The following MAP2K4 variants were observed in gnomAD, a reference collection of about 807,000 sequenced individuals.
MAP2K4 encodes dual specificity mitogen-activated protein kinase kinase 4.
A neutral mutation model predicts 48.5 loss-of-function variants in MAP2K4; 4 were observed. The ratio of observed to expected loss-of-function variants is 0.08; its 90% CI spans 0.04 to 0.19. MAP2K4 has a LOEUF of 0.19. Among genes scored for constraint, MAP2K4 ranks in the 10% least tolerant of loss-of-function variants. The pLI is 1.00. For missense variants in MAP2K4, 258 were observed against 493.3 expected (o/e 0.52, Z 4.52); for synonymous variants, 166 against 173.1 (o/e 0.96, Z 0.32).
intron 2 of MAP2K4, among the ~76,000 whole-genome samples, chr17:12,060,887 T>G (rs1970430854): frequency 6.6e-6 from 1 of 152,160 alleles, no homozygotes. Context: ...GTTCACATTG[T>G]TGTACATTTG....
intron 4 of MAP2K4, among the ~76,000 whole-genome samples, chr17:12,101,719 G>A (rs1971944523): frequency 6.6e-6 from 1 of 152,010 alleles, no homozygotes; most frequent in African/African-American, 2.4e-5. Context: ...ATATTTTATA[G>A]TTTTCGCTGT....
intron 3 of MAP2K4, among the ~76,000 whole-genome samples, chr17:12,084,183 C>A (rs1971284600): frequency 6.6e-6 from 1 of 151,974 alleles, no homozygotes; most frequent in Admixed American, 6.6e-5. Flanking sequence ...TCTTAGTAAC[C>A]AGAGTTAATT....
intron 2 of MAP2K4, among the ~76,000 whole-genome samples, chr17:12,076,324 T>TGTGTGC (rs1971006045): frequency 6.7e-6 from 1 of 149,910 alleles, no homozygotes; most frequent in Non-Finnish European, 1.5e-5. Context: ...TGTGTGTGTG[T>TGTGTGC]GTTTAGTCTG....
rs1021533579 is a variant in MAP2K4 at position 12,124,959 on chromosome 17, G to A, written c.814-335G>A. The A allele has an allele frequency of 1.1e-4, 28 of 260,870 alleles. No individual in the cohort carries two copies. In the South Asian group the frequency reaches 1.1e-3, roughly 10 times the overall value. The allele number at this position is 260,870 out of a possible 1,614,324, so 16.2% of individuals were successfully genotyped here. A position where few individuals can be genotyped will look rare whatever the true frequency, so the allele number is the denominator to read the frequency against. On this transcript the variant is annotated intron_variant, in intron 7 of 10. Transcript: ENST00000353533. ...CAAAGTGCTGGGATTACGGGCGTGCGCCACTGCACCTGGCGACCTTGTAAT... is the reference window on the plus strand; with the variant it reads ...CAAAGTGCTGGGATTACGGGCGTGCACCACTGCACCTGGCGACCTTGTAAT...
At chr17:12,128,756 T>G (rs1203627004) in intron 8 of MAP2K4, among the ~76,000 whole-genome samples, 1 of 152,230 alleles carries the variant, frequency 6.6e-6, no homozygotes, top group Admixed American at 6.5e-5. Flanking sequence ...AAGGCCTTCC[T>G]CTAAGATGGC....
At chr17:12,109,899 A>G (rs1348441793) in intron 5 of MAP2K4, among the ~76,000 whole-genome samples, 2 of 151,982 alleles carry the variant, frequency 1.3e-5, no homozygotes, top group South Asian at 2.1e-4. Flanking sequence ...AGGCCGAGGC[A>G]GAAGGATCGC....
intron 1 of MAP2K4, among the ~76,000 whole-genome samples, chr17:12,022,185 G>A (rs1295642872): frequency 6.6e-6 from 1 of 152,090 alleles, no homozygotes; most frequent in Non-Finnish European, 1.5e-5. Flanking sequence ...CATGTTTATA[G>A]AGCATGCCAT....
chr17:12,051,153 A>G (rs1597413983), intron 1 of MAP2K4, among the ~76,000 whole-genome samples: 1 of 152,234 alleles, frequency 6.6e-6, no homozygotes, highest in East Asian at 1.9e-4. Flanking sequence ...TTTTCCCAGC[A>G]TGTTGAACAA....
At chr17:12,047,919 T>G (rs990111818) in intron 1 of MAP2K4, among the ~76,000 whole-genome samples, 1 of 152,232 alleles carries the variant, frequency 6.6e-6, no homozygotes, top group Non-Finnish European at 1.5e-5. Flanking sequence ...TATTCTTGTT[T>G]GTATCTTGAT....
At chr17:12,100,102 A>G (rs1360559618) in intron 4 of MAP2K4, among the ~76,000 whole-genome samples, 3 of 152,194 alleles carry the variant, frequency 2.0e-5, no homozygotes, top group Non-Finnish European at 2.9e-5. Context: ...TCCCACATGT[A>G]AAGTGTACAG....
intron 2 of MAP2K4, among the ~76,000 whole-genome samples, chr17:12,067,513 G>C (rs1198326176): frequency 1.3e-5 from 2 of 152,132 alleles, no homozygotes; most frequent in Admixed American, 1.3e-4. Context: ...TTCTTCTTAG[G>C]ACCACTGGTA....
chr17:12,059,518 C>T (rs1183925928), intron 2 of MAP2K4, among the ~76,000 whole-genome samples: 1 of 152,016 alleles, frequency 6.6e-6, no homozygotes, highest in Admixed American at 6.6e-5. Flanking sequence ...TAACATATCA[C>T]AATTGTCAAG....
At chr17:12,069,296 T>TATAG (rs1308335802) in intron 2 of MAP2K4, among the ~76,000 whole-genome samples, 1 of 152,172 alleles carries the variant, frequency 6.6e-6, no homozygotes, top group Non-Finnish European at 1.5e-5. Flanking sequence ...ACATGTAACC[T>TATAG]ATAGATTTAG....
At chr17:12,044,001 T>C (rs540193074) in intron 1 of MAP2K4, among the ~76,000 whole-genome samples, 14 of 152,050 alleles carry the variant, frequency 9.2e-5, no homozygotes, top group Non-Finnish European at 1.8e-4. Flanking sequence ...TGAAGTTATA[T>C]AGGGGCCCTC....
intron 1 of MAP2K4, among the ~76,000 whole-genome samples, chr17:12,044,907 A>G (rs922054981): frequency 6.6e-6 from 1 of 152,266 alleles, no homozygotes; most frequent in African/African-American, 2.4e-5. Flanking sequence ...AGGTGCTGCC[A>G]GTCATCAGTC....
Position 12,081,328 on chromosome 17 carries a change from G to A in MAP2K4, c.219-28G>A. On this transcript the variant is annotated intron_variant, in intron 2 of 10. Coordinates refer to ENST00000353533, the MANE Select transcript of MAP2K4 (RefSeq NM_003010.4). The surrounding 1 kb of genome is among the most constrained non-coding windows in gnomAD (Gnocchi z 4.2). ...AAAGTTAAAACCTATTTAAAATGTG[G>A]AAAAATTGCTTCCCAATATTTTAAC... 1 of 1,569,674 alleles carries A rather than the reference G, an allele frequency of 6.4e-7. No homozygotes were observed. Among genetic ancestry groups the A allele is most frequent in the Non-Finnish European group, 8.6e-7 (1 of 1,160,916 alleles).
chr17:12,070,141 A>G (rs1485399204), intron 2 of MAP2K4, among the ~76,000 whole-genome samples: 2 of 151,548 alleles, frequency 1.3e-5, no homozygotes, highest in African/African-American at 4.9e-5. Context: ...AGGAGAAAAC[A>G]TACTTCAAAC....
intron 7 of MAP2K4, among the ~76,000 whole-genome samples, chr17:12,113,724 A>G (rs547839195): frequency 6.6e-6 from 1 of 152,308 alleles, no homozygotes; most frequent in East Asian, 1.9e-4. Context: ...AGAATTCACT[A>G]TGTATTACAG....
chr17:12,095,430 A>G lies in MAP2K4; in HGVS notation c.394-145A>G, dbSNP rs771225074. ...AGTAATTCTTGTGAAGTATAAGGAAAGATGATAATTTTCATATCTGGTATT... is the reference window on the plus strand; with the variant it reads ...AGTAATTCTTGTGAAGTATAAGGAAGGATGATAATTTTCATATCTGGTATT... On this transcript the variant is annotated intron_variant, in intron 3 of 10. Coordinates refer to ENST00000353533, the MANE Select transcript of MAP2K4 (RefSeq NM_003010.4). 6 of 826,678 alleles carry G rather than the reference A, an allele frequency of 7.3e-6. No homozygotes were observed. In the Admixed American group the frequency reaches 1.0e-4, roughly 14 times the overall value. 51.2% of individuals were successfully genotyped at this position (826,678 alleles called of 1,614,324 possible).
Sources: gnomAD v4.1 joint callset for allele counts (sites outside exome capture counted in the v4.1 genomes callset) on GRCh38, gnomAD v4.1.1 for gene constraint, Gnocchi (gnomAD v3.1) non-coding constraint, MANE v1.5 for transcripts, NCBI Gene and HGNC (gene_info 2026-07-23, HGNC 2026-07-21) for gene names.